Variants in ZNF584 observed in about 807,000 individuals in gnomAD.
ZNF584 encodes the protein zinc finger protein 584.
Under a neutral mutation model 14.7 loss-of-function variants are expected in ZNF584, and 12 were observed. The observed-to-expected ratio is 0.82, with a 90% CI of 0.52 to 1.32. The LOEUF is 1.32. Among genes scored for constraint, ZNF584 ranks in the 40% most tolerant of loss-of-function variants. ZNF584 has a pLI of 0.00. For synonymous variants in ZNF584, 204 were observed against 190.9 expected, an observed-to-expected ratio of 1.07 and a Z score of -0.57; for missense variants, 478 against 518.8, an observed-to-expected ratio of 0.92 and a Z score of 0.76.
upstream of ZNF584, chr19:58,406,110 G>A (rs543811738): frequency 3.1e-5 from 5 of 161,436 alleles, no homozygotes; most frequent in African/African-American, 9.6e-5. Context: ...TCGGGAGGCC[G>A]AGGCTGGCGG....
Position 58,409,960 on chromosome 19 carries a change from T to C in ZNF584, c.38T>C (p.Leu13Ser). 6.2e-7 allele frequency: 1 copy of C among 1,614,140 alleles called. No individual in the cohort carries two copies. The highest frequency in any genetic ancestry group is 8.5e-7 in the Non-Finnish European group (1 of 1,180,012). The change falls in exon 2 of 4, where the codon TTG becomes TCG. Residue 13 changes from leucine to serine, a missense_variant. By Grantham distance (145) the Leu-to-Ser change is moderately radical. Coordinates refer to ENST00000306910, the MANE Select transcript of ZNF584 (RefSeq NM_173548.3). ...GEAEAQLDPSLQGLVMFEDVT... is the reference protein window; with the variant it reads ...GEAEAQLDPSSQGLVMFEDVT... ...CCCAAGGCTCAGTTGGACCCATCAT[T>C]GCAGGGCTTGGTGATGTTTGAGGAT...
intron 1 of ZNF584, among the ~76,000 whole-genome samples, chr19:58,402,069 T>TG (rs111712971): frequency 1.3e-4 from 19 of 151,046 alleles, no homozygotes; most frequent in Admixed American, 2.6e-4. Flanking sequence ...AGACTCCGTT[T>TG]GGGGGGGTAA....
chr19:58,413,577 G>A (rs1198887697), intron 2 of ZNF584, among the ~76,000 whole-genome samples: 1 of 151,342 alleles, frequency 6.6e-6, no homozygotes, highest in Non-Finnish European at 1.5e-5. Flanking sequence ...TGCGATCTTG[G>A]CTCACTGCAA....
rs2052539704 is a variant in ZNF584, at chr19:58,410,549, ATATATATATGTG to A, written c.169+468_169+479del. Among the ~76,000 whole-genome samples, 7 of 31,562 alleles carry A rather than the reference ATATATATATGTG, an allele frequency of 2.2e-4. 2 individuals are homozygous for A. The highest frequency in any genetic ancestry group is 1.7e-3 in the African/African-American group (7 of 4,046). The allele number at this position is 31,562 out of a possible 152,430, so 20.7% of individuals were successfully genotyped here. ...TATATATATATATATATATATATATATATATATATGTGTATATATATATGTATATATATGTAT... is the reference window on the plus strand; with the variant it reads ...TATATATATATATATATATATATATATATATATATATGTATATATATGTAT... On this transcript the variant is annotated intron_variant, in intron 2 of 3. Coordinates refer to ENST00000306910, the MANE Select transcript of ZNF584 (RefSeq NM_173548.3).
chr19:58,409,075 A>G lies in ZNF584; in HGVS notation c.-73A>G. 6.9e-7 allele frequency: 1 copy of G among 1,451,828 alleles called. No individual in the cohort carries two copies. The highest frequency in any genetic ancestry group is 9.2e-7 in the Non-Finnish European group (1 of 1,090,954). The allele number at this position is 1,451,828 out of a possible 1,614,324, so 89.9% of individuals were successfully genotyped here. On this transcript the variant is annotated 5_prime_UTR_variant, in exon 1 of 4. Transcript: ENST00000306910. ...TCCCGGGAAGGTTCCACGGCGGCCG[A>G]GGGTTTCCGCGCCCGGGACGCGTTT...
intron 2 of ZNF584, among the ~76,000 whole-genome samples, chr19:58,414,726 G>A (rs767059449): frequency 2.0e-5 from 3 of 152,158 alleles, no homozygotes; most frequent in African/African-American, 2.4e-5. Flanking sequence ...CTGTTGTTAG[G>A]TGGCAAGCTC....
In ZNF584 at chr19:58,418,071, T is replaced by C. The variant is rs2052669802; in HGVS notation, c.*287T>C. On this transcript the variant is annotated 3_prime_UTR_variant, in exon 4 of 4. Coordinates refer to ENST00000306910, the MANE Select transcript of ZNF584 (RefSeq NM_173548.3). ...ACAGCAGACCTTGTGCTCCTTGCTC[T>C]AAACAGTAGAGAATCGTTAATAGTG... 10 of 416,156 alleles carry C rather than the reference T, an allele frequency of 2.4e-5. No individual in the cohort carries two copies. In the South Asian group the frequency reaches 3.7e-4, roughly 15 times the overall value. The allele number at this position is 416,156 out of a possible 1,614,324, so 25.8% of individuals were successfully genotyped here.
intron 1 of ZNF584, 177 bp downstream of exon 1, chr19:58,409,342 G>A: frequency 1.3e-6 from 1 of 753,934 alleles, no homozygotes; most frequent in East Asian, 3.4e-5. Context: ...CGCAGGACTG[G>A]GACAGGATGG....
chr19:58,415,176 A>G (rs1256164498), intron 2 of ZNF584, among the ~76,000 whole-genome samples: 3 of 151,950 alleles, frequency 2.0e-5, no homozygotes, highest in African/African-American at 7.3e-5. Context: ...TACAGGCGTG[A>G]GCCACTGCGC....
chr19:58,403,668 A>T (rs1396685606), upstream of ZNF584, among the ~76,000 whole-genome samples: 2 of 152,144 alleles, frequency 1.3e-5, no homozygotes, highest in East Asian at 3.8e-4. Context: ...ACTAATATTC[A>T]TTTTACAATG....
At chr19:58,403,842 G>A (rs924487757), upstream of ZNF584, among the ~76,000 whole-genome samples, 2 of 151,222 alleles carry the variant, frequency 1.3e-5, no homozygotes, top group African/African-American at 4.9e-5. Context: ...GGTGGCACGC[G>A]CTTGTCGTCC....
chr19:58,408,932 C>T lies in ZNF584; in HGVS notation c.-216C>T, dbSNP rs2052503371. On this transcript the variant is annotated 5_prime_UTR_variant, in exon 1 of 4. Transcript: ENST00000306910. ...GGCGAGTGGCTCCATCTTCCTCAGA[C>T]TTATCGCTCGCGGACAGGCGCCGTG... 1 of 500,422 alleles carries T rather than the reference C, an allele frequency of 2.0e-6. No individual in the cohort carries two copies. The highest frequency in any genetic ancestry group is 3.4e-6 in the Non-Finnish European group (1 of 291,396). The allele number at this position is 500,422 out of a possible 1,614,324, so 31.0% of individuals were successfully genotyped here.
intron 1 of ZNF584, among the ~76,000 whole-genome samples, chr19:58,409,686 C>T (rs2052517384): frequency 6.6e-6 from 1 of 152,172 alleles, no homozygotes; most frequent in Non-Finnish European, 1.5e-5. Flanking sequence ...CCTGATGTCG[C>T]TTTGGGCTGG....
rs1568584382 is a variant in ZNF584, at chr19:58,410,546, T to TTTTTTTTTTTTTTTTTTTTTGAGAC, written c.169+455_169+456insTTTTTTTTTTTTTTTTTTTTGAGAC. Among the ~76,000 whole-genome samples the TTTTTTTTTTTTTTTTTTTTTGAGAC allele has an allele frequency of 8.0e-5, 5 of 62,540 alleles. 1 individual carries two copies. Among genetic ancestry groups the TTTTTTTTTTTTTTTTTTTTTGAGAC allele is most frequent in the African/African-American group, 1.3e-4 (1 of 7,870 alleles). 41.0% of individuals were successfully genotyped at this position (62,540 alleles called of 152,430 possible). A position where few individuals can be genotyped will look rare whatever the true frequency, so the allele number is the denominator to read the frequency against. On this transcript the variant is annotated intron_variant, in intron 2 of 3. Transcript: ENST00000306910. Reference sequence around the variant, plus strand: ...ATATATATATATATATATATATATATATATATATATATGTGTATATATATA... The same window carrying TTTTTTTTTTTTTTTTTTTTTGAGAC: ...ATATATATATATATATATATATATATTTTTTTTTTTTTTTTTTTTTGAGACATATATATATATGTGTATATATATA...
Position 58,409,924 on chromosome 19 carries a change from C to T in ZNF584, c.19-17C>T. The T allele has an allele frequency of 6.2e-7, 1 of 1,613,814 alleles. No individual in the cohort carries two copies. The highest frequency in any genetic ancestry group is 8.5e-7 in the Non-Finnish European group (1 of 1,179,922). ...CCATATTTTGGTTGTTTTTTTCTGC[C>T]CATCATTGACCCCAAGGCTCAGTTG... On this transcript the variant is annotated splice_polypyrimidine_tract_variant and intron_variant, in intron 1 of 3. Transcript: ENST00000306910.
intron 2 of ZNF584, among the ~76,000 whole-genome samples, chr19:58,410,539 A>AATTTTTTTTTTTTTT: frequency 2.6e-4 from 10 of 38,702 alleles, no homozygotes; most frequent in Admixed American, 7.1e-4. Flanking sequence ...ATATATATAT[A>AATTTTTTTTTTTTTT]TATATATATA....
chr19:58,414,505 A>T (rs1316308085), intron 2 of ZNF584, among the ~76,000 whole-genome samples: 5 of 148,686 alleles, frequency 3.4e-5, no homozygotes, highest in Admixed American at 2.0e-4. Context: ...TGCCCGGGTA[A>T]TTTTTTTTTT....
rs1436916207 is a variant in ZNF584 at position 58,417,834 on chromosome 19, G to A, written c.*50G>A. 5.8e-6 allele frequency: 9 copies of A among 1,538,958 alleles called. No individual in the cohort carries two copies. The highest frequency in any genetic ancestry group is 2.0e-5 in the Admixed American group (1 of 49,360). ...TATTCCAGAAAGGAGGTTAAGGAGA[G>A]TGGCCGTGAGAGTGCCATCCGAAAG... is the stretch of plus-strand genomic sequence containing the variant. On this transcript the variant is annotated 3_prime_UTR_variant, in exon 4 of 4. Coordinates refer to ENST00000306910, the MANE Select transcript of ZNF584 (RefSeq NM_173548.3).
At chr19:58,409,194 G>T (rs757611773) in intron 1 of ZNF584, 29 bp downstream of exon 1, 2 of 1,410,516 alleles carry the variant, frequency 1.4e-6, no homozygotes, top group African/African-American at 1.5e-5. Context: ...CGAGGAATGA[G>T]GGGGCCCACC....
Sources: allele counts gnomAD v4.1 joint callset (sites outside exome capture counted in the v4.1 genomes callset), GRCh38; gene constraint gnomAD v4.1.1; transcripts MANE v1.5; gene names NCBI Gene and HGNC (gene_info 2026-07-23, HGNC 2026-07-21).